Variants in NAPG observed in about 807,000 individuals in gnomAD.
The protein encoded by NAPG is NSF attachment protein gamma.
In NAPG, 25 loss-of-function variants were observed where a neutral mutation model predicts 48.4. The observed-to-expected ratio is 0.52, with a 90% CI of 0.38 to 0.72. NAPG has a LOEUF of 0.72. Ranked by LOEUF, NAPG falls within the 30% of genes least tolerant of loss-of-function variation. The pLI is 0.00. For synonymous variants in NAPG, 139 were observed against 127.2 expected (o/e 1.09, Z -0.62); for missense variants, 359 against 372.5 (o/e 0.96, Z 0.30).
rs989357740 is a variant in NAPG at position 10,542,822 on chromosome 18, C to G, written c.506+2423C>G. Among the ~76,000 whole-genome samples, 3 of 152,068 alleles carry G rather than the reference C, an allele frequency of 2.0e-5. No individual in the cohort carries two copies. The highest frequency in any genetic ancestry group is 1.3e-4 in the Admixed American group (2 of 15,270). On this transcript the variant is annotated intron_variant, in intron 8 of 11. Transcript: ENST00000322897. The surrounding 1 kb of genome is among the most constrained non-coding windows in gnomAD (Gnocchi z 4.5). ...GGAGAGTCAAAATTCAGAAGTGATT[C>G]GTAGTTTCATTTAGATTACATCTGG...
chr18:10,540,289 A>T, intron 7 of NAPG, 40 bp from the exon 8 acceptor site: 1 of 1,559,512 alleles, frequency 6.4e-7, no homozygotes, highest in Non-Finnish European at 8.8e-7. Context: ...ACATTTCAAC[A>T]TTAAAGCAGC....
intron 8 of NAPG, chr18:10,540,801 T>C (rs2032139798): frequency 6.4e-6 from 1 of 156,012 alleles, no homozygotes; most frequent in Non-Finnish European, 1.4e-5. Flanking sequence ...ATAGTGTCAT[T>C]ATTAGAATAT....
In NAPG at chr18:10,539,695, ATTG is replaced by A. The variant is rs562379795; in HGVS notation, c.259-64_259-62del. 67 of 1,251,394 alleles carry A rather than the reference ATTG, an allele frequency of 5.4e-5. 1 individual carries two copies. In the East Asian group the frequency reaches 1.3e-3, roughly 24 times the overall value. 77.5% of individuals were successfully genotyped at this position (1,251,394 alleles called of 1,614,324 possible). A position where few individuals can be genotyped will look rare whatever the true frequency, so the allele number is the denominator to read the frequency against. ...AAAATAAAAAATAATTGCATTTCAG[ATTG>A]TTAACTCTGTTTTTCTTTAATTGAT... On this transcript the variant is annotated intron_variant, in intron 5 of 11. Coordinates refer to ENST00000322897, the MANE Select transcript of NAPG (RefSeq NM_003826.3). This position sits in a 1 kb window ranked among gnomAD's most constrained non-coding sequence, Gnocchi z 4.7.
At chr18:10,538,832 T>A (rs1452050560) in intron 5 of NAPG, among the ~76,000 whole-genome samples, 1 of 150,368 alleles carries the variant, frequency 6.7e-6, no homozygotes, top group East Asian at 1.9e-4. Context: ...ACTTTTTGAT[T>A]GGGTTTTTTT....
chr18:10,550,111 G>C lies in NAPG; in HGVS notation c.830G>C (p.Gly277Ala). ...AKLGLSLVVP[G>A]GGIKKKSPAT... is the part of the protein sequence containing the mutation. Reference sequence around the variant, plus strand: ...CTGGGCCTGAGTTTGGTGGTTCCAGGAGGGGGAATCAAGAAGAAATCACCT... The same window carrying C: ...CTGGGCCTGAGTTTGGTGGTTCCAGCAGGGGGAATCAAGAAGAAATCACCT... Residue 277 changes from glycine to alanine, a missense_variant, in exon 12 of 12, where the codon GGA (glycine) becomes GCA (alanine). Physicochemically the swap from Gly to Ala is moderately conservative, Grantham distance 60. Transcript: ENST00000322897. 6.3e-7 allele frequency: 1 copy of C among 1,574,802 alleles called. No individual in the cohort carries two copies. Among genetic ancestry groups the C allele is most frequent in the Non-Finnish European group, 8.6e-7 (1 of 1,164,244 alleles).
Position 10,540,219 on chromosome 18 carries a change from G to T in NAPG, c.436-110G>T, listed in dbSNP as rs538778933. 5.5e-6 allele frequency: 6 copies of T among 1,083,334 alleles called. No individual in the cohort carries two copies. In the East Asian group the frequency reaches 1.5e-4, roughly 27 times the overall value. 67.1% of individuals were successfully genotyped at this position (1,083,334 alleles called of 1,614,324 possible). The stretch of plus-strand genomic sequence containing the variant: ...GTAGTGAAATGAACTAGCAGCTTTC[G>T]TGTTCCCCCCTTGATCCAGTGCCAT... On this transcript the variant is annotated intron_variant, in intron 7 of 11. Transcript: ENST00000322897.
intron 5 of NAPG, among the ~76,000 whole-genome samples, chr18:10,538,373 T>G (rs561838973): frequency 6.6e-6 from 1 of 152,208 alleles, no homozygotes; most frequent in South Asian, 2.1e-4. Context: ...GCAAGCCTGC[T>G]GATGCCGTAG....
In NAPG at chr18:10,546,433, A is replaced by G. The variant is rs1255189411; in HGVS notation, c.585+29A>G. ...TTCTTTGAAAGTGTTTGTTTTTGGT[A>G]TTACATTAGATGATTTTTTATACTG... On this transcript the variant is annotated intron_variant, in intron 9 of 11. Coordinates refer to ENST00000322897, the MANE Select transcript of NAPG (RefSeq NM_003826.3). This position sits in a 1 kb window ranked among gnomAD's most constrained non-coding sequence, Gnocchi z 4.0. 1.5e-6 allele frequency: 2 copies of G among 1,306,730 alleles called. No homozygotes were observed. Among genetic ancestry groups the G allele is most frequent in the Non-Finnish European group, 2.1e-6 (2 of 940,580 alleles). 80.9% of individuals were successfully genotyped at this position (1,306,730 alleles called of 1,614,324 possible).
At chr18:10,540,143 T>C (rs2032120827) in intron 7 of NAPG, 89 bp downstream of exon 7, 2 of 1,203,566 alleles carry the variant, frequency 1.7e-6, no homozygotes, top group Non-Finnish European at 2.3e-6. Context: ...GTGGCTACTT[T>C]TAAAACTTTT....
intron 2 of NAPG, among the ~76,000 whole-genome samples, chr18:10,531,184 A>G (rs1161753850): frequency 2.0e-5 from 3 of 152,178 alleles, no homozygotes; most frequent in Admixed American, 6.5e-5. Flanking sequence ...TTTCTATTGA[A>G]TTAGGAGTTT....
In NAPG at chr18:10,544,480, G is replaced by A. The variant is rs769191275; in HGVS notation, c.507-1846G>A. Among the ~76,000 whole-genome samples the A allele has an allele frequency of 2.6e-5, 4 of 152,146 alleles. No homozygotes were observed. The highest frequency in any genetic ancestry group is 4.4e-5 in the Non-Finnish European group (3 of 68,026). Reference sequence around the variant, plus strand: ...ATTCCTGTTTTCTTGTTGCCTGTTCGCCAGGAACTGCTCTCAGCTTTGAGT... The same window carrying A: ...ATTCCTGTTTTCTTGTTGCCTGTTCACCAGGAACTGCTCTCAGCTTTGAGT... On this transcript the variant is annotated intron_variant, in intron 8 of 11. Coordinates refer to ENST00000322897, the MANE Select transcript of NAPG (RefSeq NM_003826.3). The surrounding 1 kb of genome is among the most constrained non-coding windows in gnomAD (Gnocchi z 5.1).
In NAPG at chr18:10,539,372, G is replaced by C; in HGVS notation, c.259-390G>C. 5.2e-6 allele frequency: 1 copy of C among 191,594 alleles called. No homozygotes were observed. Among genetic ancestry groups the C allele is most frequent in the Admixed American group, 5.4e-5 (1 of 18,474 alleles). The allele number at this position is 191,594 out of a possible 1,614,324, so 11.9% of individuals were successfully genotyped here. A position where few individuals can be genotyped will look rare whatever the true frequency, so the allele number is the denominator to read the frequency against. ...TGTCCTTTGCAGGGACATGGATGAA[G>C]CTGGAAGCCATCATTCTTGGCAAAC... On this transcript the variant is annotated intron_variant, in intron 5 of 11. Coordinates refer to ENST00000322897, the MANE Select transcript of NAPG (RefSeq NM_003826.3). The surrounding 1 kb of genome is among the most constrained non-coding windows in gnomAD (Gnocchi z 4.7).
intron 2 of NAPG, among the ~76,000 whole-genome samples, chr18:10,531,235 C>T (rs370413849): frequency 3.3e-5 from 5 of 152,152 alleles, no homozygotes; most frequent in Non-Finnish European, 4.4e-5. Flanking sequence ...TAACCTGATA[C>T]GCAAATCATA....
chr18:10,549,173 A>C (rs372919009), intron 11 of NAPG, 77 bp downstream of exon 11: 1 of 1,505,262 alleles, frequency 6.6e-7, no homozygotes, highest in Admixed American at 2.1e-5. Context: ...TTTTTTACCC[A>C]TGTACTTAAG....
intron 9 of NAPG, among the ~76,000 whole-genome samples, chr18:10,547,706 A>G (rs1013717773): frequency 4.6e-5 from 7 of 152,208 alleles, no homozygotes; most frequent in African/African-American, 1.7e-4. Flanking sequence ...AAAGTTACCT[A>G]AACAATAGAG....
At chr18:10,531,622 T>C (rs1272273055) in intron 2 of NAPG, among the ~76,000 whole-genome samples, 1 of 152,218 alleles carries the variant, frequency 6.6e-6, no homozygotes, top group African/African-American at 2.4e-5. Flanking sequence ...TCTGAGTAAA[T>C]TCTGTTTTTT....
Position 10,552,016 on chromosome 18 carries a change from G to A in NAPG, c.*1796G>A, listed in dbSNP as rs148091514. On this transcript the variant is annotated 3_prime_UTR_variant, in exon 12 of 12. Coordinates refer to ENST00000322897, the MANE Select transcript of NAPG (RefSeq NM_003826.3). The stretch of plus-strand genomic sequence containing the variant: ...CAGCTTGTATCCTTTAGATCCAATC[G>A]GAAACTTCTGGAGTCTTACATTAAT... 308 of 152,194 alleles carry A rather than the reference G, an allele frequency of 2.0e-3. No homozygotes were observed. The highest frequency in any genetic ancestry group is 7.1e-3 in the African/African-American group (296 of 41,532). The allele number at this position is 152,194 out of a possible 1,614,324, so 9.4% of individuals were successfully genotyped here. A position where few individuals can be genotyped will look rare whatever the true frequency, so the allele number is the denominator to read the frequency against.
chr18:10,529,561 T>C (rs2031886657), intron 1 of NAPG, among the ~76,000 whole-genome samples: 2 of 152,170 alleles, frequency 1.3e-5, no homozygotes, highest in South Asian at 4.1e-4. Context: ...CGAGACCACC[T>C]GGCCAACATG....
At position 10,550,349 on chromosome 18, in the gene NAPG, G is replaced by T; in HGVS notation, c.*129G>T. 1 of 978,606 alleles carries T rather than the reference G, an allele frequency of 1.0e-6. No homozygotes were observed. Among genetic ancestry groups the T allele is most frequent in the Non-Finnish European group, 1.4e-6 (1 of 700,876 alleles). 60.6% of individuals were successfully genotyped at this position (978,606 alleles called of 1,614,324 possible). Reference sequence around the variant, plus strand: ...TGATTTTGGATCCTAATAAAGACTAGTTTTTAGTTACCATCTTCCCAAATC... The same window carrying T: ...TGATTTTGGATCCTAATAAAGACTATTTTTTAGTTACCATCTTCCCAAATC... On this transcript the variant is annotated 3_prime_UTR_variant, in exon 12 of 12. Coordinates refer to ENST00000322897, the MANE Select transcript of NAPG (RefSeq NM_003826.3).
Sources: allele counts gnomAD v4.1 joint callset (sites outside exome capture counted in the v4.1 genomes callset), GRCh38; gene constraint gnomAD v4.1.1; non-coding constraint Gnocchi (gnomAD v3.1); transcripts MANE v1.5; gene names NCBI Gene and HGNC (gene_info 2026-07-23, HGNC 2026-07-21).